The following ENO3 variants were observed in gnomAD, a reference collection of about 807,000 sequenced individuals.
ENO3 encodes beta-enolase.
A neutral mutation model predicts 47.7 loss-of-function variants in ENO3; 46 were observed. That is an observed-to-expected ratio of 0.96 (90% CI 0.76 to 1.23). The LOEUF (loss-of-function observed/expected upper bound fraction) is 1.23, where lower values mean the gene tolerates loss of function less well. Ranked by LOEUF, ENO3 falls within the 50% of genes most tolerant of loss-of-function variation. ENO3 has a pLI of 0.00. For missense variants in ENO3, 575 were observed against 566.2 expected (o/e 1.02, Z -0.16); for synonymous variants, 223 against 225.9 (o/e 0.99, Z 0.11).
At chr17:4,955,872 T>TGTCTCTGCC (rs1971712836) in intron 8 of ENO3, 70 bp from the exon 9 acceptor site, 4 of 311,962 alleles carry the variant, frequency 1.3e-5, no homozygotes, top group Non-Finnish European at 2.3e-5. Flanking sequence ...CTGTCTCTGC[T>TGTCTCTGCC]CTGTCTCTGC....
At chr17:4,951,109 G>C (rs1971528252), upstream of ENO3, 14 of 987,488 alleles carry the variant, frequency 1.4e-5, no homozygotes, top group Non-Finnish European at 1.7e-5. Flanking sequence ...AGCCTGAGAG[G>C]GGGTGAGCTG....
At position 4,956,452 on chromosome 17, in the gene ENO3, T is replaced by TA. The variant is rs757110085; in HGVS notation, c.1068-120dup. 784 of 974,516 alleles carry TA rather than the reference T, an allele frequency of 8.0e-4. 7 individuals carry two copies. The Middle Eastern group carries it at 9.2e-3, about 11-fold the overall frequency. The allele number at this position is 974,516 out of a possible 1,614,324, so 60.4% of individuals were successfully genotyped here. A position where few individuals can be genotyped will look rare whatever the true frequency, so the allele number is the denominator to read the frequency against. On this transcript the variant is annotated intron_variant, in intron 9 of 11. Coordinates refer to ENST00000519602, the MANE Select transcript of ENO3 (RefSeq NM_053013.4). Reference sequence around the variant, plus strand: ...TTCCTCTCCTACTTCCCAAAGAACTTAGTCACTGCCCTCCCTGCAGAGTGC... The same window carrying TA: ...TTCCTCTCCTACTTCCCAAAGAACTTAAGTCACTGCCCTCCCTGCAGAGTGC...
At chr17:4,954,106 C>T (rs777087452) in intron 6 of ENO3, 28 of 576,312 alleles carry the variant, frequency 4.9e-5, no homozygotes, top group Non-Finnish European at 7.7e-5. Context: ...ACTCCAGCCT[C>T]GTTCCAACCC....
Position 4,954,024 on chromosome 17 carries a change from C to T in ENO3, c.444+179C>T, listed in dbSNP as rs1597700664. The T allele has an allele frequency of 1.5e-4, 138 of 938,050 alleles. 2 individuals carry two copies. In the South Asian group the frequency reaches 2.0e-3, roughly 14 times the overall value. 58.1% of individuals were successfully genotyped at this position (938,050 alleles called of 1,614,324 possible). A position where few individuals can be genotyped will look rare whatever the true frequency, so the allele number is the denominator to read the frequency against. ...CCTCTCTTCCACAATCCAAACCTTCCCTGAAGGCTCTATGTGCTTCCTTCC... is the reference window on the plus strand; with the variant it reads ...CCTCTCTTCCACAATCCAAACCTTCTCTGAAGGCTCTATGTGCTTCCTTCC... On this transcript the variant is annotated intron_variant, in intron 6 of 11. Transcript: ENST00000519602.
intron 2 of ENO3, among the ~76,000 whole-genome samples, chr17:4,952,584 A>G (rs1437210705): frequency 1.3e-5 from 2 of 152,076 alleles, no homozygotes; most frequent in African/African-American, 2.4e-5. Context: ...TGGCCTCCCA[A>G]AGTGCTGGGA....
intron 1 of ENO3, 132 bp from the exon 2 acceptor site, chr17:4,951,696 T>A (rs1971545055): frequency 6.1e-6 from 6 of 986,090 alleles, no homozygotes; most frequent in Non-Finnish European, 9.7e-6. Context: ...CTTTGGTCTG[T>A]GACCTTTTTG....
chr17:4,953,873 A>G lies in ENO3; in HGVS notation c.444+28A>G, dbSNP rs750039576. 2.6e-5 allele frequency: 42 copies of G among 1,613,714 alleles called. No individual in the cohort carries two copies. The South Asian group carries it at 4.4e-4, about 17-fold the overall frequency. On this transcript the variant is annotated intron_variant, in intron 6 of 11. Transcript: ENST00000519602. The stretch of plus-strand genomic sequence containing the variant: ...GAGTGCAGCTACCCGCCCTTCCCAG[A>G]TCTCGCCTGGACAGAGCCAACCCCG...
intron 5 of ENO3, 151 bp from the exon 6 acceptor site, chr17:4,953,561 T>G (rs1281050339): frequency 2.0e-6 from 3 of 1,471,830 alleles, no homozygotes; most frequent in Non-Finnish European, 2.8e-6. Flanking sequence ...TCCCCCGGGG[T>G]GGGGGTTCCC....
At chr17:4,954,877 C>T (rs1025087435) in intron 6 of ENO3, among the ~76,000 whole-genome samples, 198 bp from the exon 7 acceptor site, 1 of 122,004 alleles carries the variant, frequency 8.2e-6, no homozygotes, top group Non-Finnish European at 1.7e-5. Context: ...AGCCTGGTGA[C>T]AAAGTGAGAC....
upstream of ENO3, among the ~76,000 whole-genome samples, chr17:4,949,726 C>A (rs1383538905): frequency 6.6e-6 from 1 of 152,136 alleles, no homozygotes; most frequent in African/African-American, 2.4e-5. Flanking sequence ...GGTCACCGAG[C>A]GCGGCCCGGG....
chr17:4,949,256 G>A (rs1971476014), upstream of ENO3: 1 of 152,284 alleles, frequency 6.6e-6, no homozygotes, highest in African/African-American at 2.4e-5. Flanking sequence ...CACCCACCGG[G>A]GCCACTTCTG....
In ENO3 at chr17:4,954,130, C is replaced by A. The variant is rs544459315; in HGVS notation, c.444+285C>A. On this transcript the variant is annotated intron_variant, in intron 6 of 11. Transcript: ENST00000519602. ...TCGTTCCAACCCCACACCCTACACC[C>A]AAATCATATTGAGAGTTTCTTTGAG... The A allele has an allele frequency of 4.7e-4, 247 of 528,618 alleles. 2 individuals are homozygous for A. The South Asian group carries it at 4.7e-3, about 10-fold the overall frequency. The allele number at this position is 528,618 out of a possible 1,614,324, so 32.7% of individuals were successfully genotyped here. A position where few individuals can be genotyped will look rare whatever the true frequency, so the allele number is the denominator to read the frequency against.
At position 4,953,783 on chromosome 17, in the gene ENO3, G is replaced by A. The variant is rs752617216; in HGVS notation, c.382G>A (p.Val128Ile). ...TAAGGCGGGAGCAGCTGAGAAGGGG[G>A]TCCCCCTGTACCGCCACATCGCAGA... Reference protein sequence around the residue: ...VCKAGAAEKGVPLYRHIADLA... With the variant: ...VCKAGAAEKGIPLYRHIADLA... Residue 128 changes from valine (V) to isoleucine (I), a missense_variant, in exon 6 of 12, where the codon GTC becomes ATC. By Grantham distance (29) the Val-to-Ile change is conservative. Transcript: ENST00000519602. 2 of 1,614,078 alleles carry A rather than the reference G, an allele frequency of 1.2e-6. No individual in the cohort carries two copies. The highest frequency in any genetic ancestry group is 1.1e-5 in the South Asian group (1 of 91,090).
rs747456400 is a variant in ENO3, at chr17:4,953,804, G to A, written c.403G>A (p.Ala135Thr). Residue 135 changes from alanine to threonine, a missense_variant, in exon 6 of 12, where the codon GCA (alanine) becomes ACA (threonine). By Grantham distance (58) the Ala-to-Thr change is moderately conservative. Coordinates refer to ENST00000519602, the MANE Select transcript of ENO3 (RefSeq NM_053013.4). ...GGGGGTCCCCCTGTACCGCCACATCGCAGATCTCGCTGGGAACCCTGACCT... is the reference window on the plus strand; with the variant it reads ...GGGGGTCCCCCTGTACCGCCACATCACAGATCTCGCTGGGAACCCTGACCT... ...EKGVPLYRHI[A>T]DLAGNPDLIL... is the part of the protein sequence containing the mutation. 4 of 1,614,048 alleles carry A rather than the reference G, an allele frequency of 2.5e-6. No individual in the cohort carries two copies. The highest frequency in any genetic ancestry group is 3.3e-5 in the Admixed American group (2 of 60,002).
Position 4,955,952 on chromosome 17 carries a change from C to G in ENO3, c.876C>G (p.Ile292Met), listed in dbSNP as rs759470373. The G allele has an allele frequency of 6.2e-7, 1 of 1,613,440 alleles. No individual in the cohort carries two copies. Residue 292 changes from isoleucine to methionine, a missense_variant, in exon 9 of 12, where the codon ATC (isoleucine) becomes ATG (methionine). Ile to Met is a conservative substitution (Grantham distance 10, BLOSUM62 1). Coordinates refer to ENST00000519602, the MANE Select transcript of ENO3 (RefSeq NM_053013.4). Reference protein sequence around the residue: ...SFIKNYPVVSIEDPFDQDDWA... With the variant: ...SFIKNYPVVSMEDPFDQDDWA... ...TCCAAACCCCACCAGTGGTCTCCAT[C>G]GAAGACCCCTTTGACCAGGATGACT...
intron 2 of ENO3, 135 bp downstream of exon 2, chr17:4,952,049 C>A: frequency 2.1e-6 from 2 of 932,700 alleles, no homozygotes; most frequent in Non-Finnish European, 3.4e-6. Flanking sequence ...CCCCTTCTTC[C>A]AACGTGGAAC....
At chr17:4,955,674 G>A (rs2151143383) in intron 8 of ENO3, 70 bp downstream of exon 8, 2 of 1,597,598 alleles carry the variant, frequency 1.3e-6, no homozygotes, top group East Asian at 2.2e-5. Flanking sequence ...TGATTTCAGT[G>A]ACCTGCTTTG....
At chr17:4,954,895 C>CAAAAA (rs375176343) in intron 6 of ENO3, among the ~76,000 whole-genome samples, 180 bp from the exon 7 acceptor site, 1 of 64,672 alleles carries the variant, frequency 1.5e-5, no homozygotes, top group African/African-American at 5.7e-5. Flanking sequence ...GACTCCGTCT[C>CAAAAA]AAAAAAAAAA....
chr17:4,955,157 G>C lies in ENO3; in HGVS notation c.527G>C (p.Ser176Thr), dbSNP rs929588215. The C allele has an allele frequency of 1.2e-6, 2 of 1,614,284 alleles. No homozygotes were observed. The highest frequency in any genetic ancestry group is 1.7e-5 in the Admixed American group (1 of 60,036). The change falls in exon 7 of 12, where the codon AGC becomes ACC. Residue 176 changes from serine (S) to threonine (T), a missense_variant. Physicochemically the swap from Ser to Thr is moderately conservative, Grantham distance 58. Coordinates refer to ENST00000519602, the MANE Select transcript of ENO3 (RefSeq NM_053013.4). ...QEFMILPVGA[S>T]SFKEAMRIGA... ...TTCATGATTCTGCCTGTGGGAGCCAGCTCCTTCAAGGAAGCCATGCGCATT... is the reference window on the plus strand; with the variant it reads ...TTCATGATTCTGCCTGTGGGAGCCACCTCCTTCAAGGAAGCCATGCGCATT...
Sources: allele counts gnomAD v4.1 joint callset (sites outside exome capture counted in the v4.1 genomes callset), GRCh38; gene constraint gnomAD v4.1.1; transcripts MANE v1.5; gene names NCBI Gene and HGNC (gene_info 2026-07-23, HGNC 2026-07-21).